Variants in PLXNA4 observed in about 807,000 individuals in gnomAD.
PLXNA4 encodes plexin-A4.
PLXNA4 carries 44 observed loss-of-function variants against 191.8 expected under a neutral mutation model. That is an observed-to-expected ratio of 0.23 (90% CI 0.18 to 0.29). The LOEUF is 0.29. PLXNA4 is among the 10% of genes least tolerant of loss of function. PLXNA4 has a pLI of 1.00. For missense variants in PLXNA4, 1,800 were observed against 2,488.8 expected, an observed-to-expected ratio of 0.72 and a Z score of 5.89; for synonymous variants, 1,082 against 1,009.5, an observed-to-expected ratio of 1.07 and a Z score of -1.36.
At chr7:132,371,355 A>G (rs1227962350) in intron 3 of PLXNA4, among the ~76,000 whole-genome samples, 1 of 152,188 alleles carries the variant, frequency 6.6e-6, no homozygotes, top group Non-Finnish European at 1.5e-5. Context: ...CCTCAAAGAA[A>G]GTGGCCCACC....
chr7:132,320,634 T>C (rs1237798702), intron 3 of PLXNA4, among the ~76,000 whole-genome samples: 1 of 151,962 alleles, frequency 6.6e-6, no homozygotes, highest in Non-Finnish European at 1.5e-5. Context: ...TCCGTGCTTC[T>C]CCAAGCACTG....
chr7:132,199,888 T>G (rs1449700737), intron 12 of PLXNA4, among the ~76,000 whole-genome samples: 1 of 152,164 alleles, frequency 6.6e-6, no homozygotes, highest in Non-Finnish European at 1.5e-5. Context: ...TGCAGGGGTG[T>G]GAGCCTGTGC....
intron 2 of PLXNA4, among the ~76,000 whole-genome samples, chr7:132,644,206 G>T (rs933575124): frequency 1.3e-5 from 2 of 152,144 alleles, no homozygotes; most frequent in Non-Finnish European, 2.9e-5. Context: ...CCTGGCAGGT[G>T]ACTTAACCTC....
At chr7:132,225,813 T>C (rs1398776365) in intron 8 of PLXNA4, among the ~76,000 whole-genome samples, 1 of 152,206 alleles carries the variant, frequency 6.6e-6, no homozygotes, top group Non-Finnish European at 1.5e-5. Context: ...TCATGTGGGA[T>C]GCACCACCCC....
intron 2 of PLXNA4, among the ~76,000 whole-genome samples, chr7:132,596,094 ACT>A (rs1362739312): frequency 6.6e-6 from 1 of 151,874 alleles, no homozygotes; most frequent in African/African-American, 2.4e-5. Context: ...GTGTCTGTTG[ACT>A]CTCTTTTAAT....
At chr7:132,441,498 A>G (rs1307627609) in intron 3 of PLXNA4, among the ~76,000 whole-genome samples, 6 of 152,156 alleles carry the variant, frequency 3.9e-5, no homozygotes, top group Non-Finnish European at 5.9e-5. Context: ...ACCCCCACTG[A>G]TGTTCCCTAG....
chr7:132,225,624 C>CCA (rs1554395285), intron 8 of PLXNA4, among the ~76,000 whole-genome samples: 3 of 151,476 alleles, frequency 2.0e-5, no homozygotes, highest in Admixed American at 2.0e-4. Context: ...CCGCCCCCCC[C>CCA]CACAGCTTTC....
At chr7:132,275,719 C>A (rs369696635) in intron 4 of PLXNA4, among the ~76,000 whole-genome samples, 1 of 152,146 alleles carries the variant, frequency 6.6e-6, no homozygotes, top group Non-Finnish European at 1.5e-5. Flanking sequence ...GGAAATGAGT[C>A]GCCAGCACCT....
At chr7:132,574,577 C>T (rs930922452) in intron 1 of PLXNA4, among the ~76,000 whole-genome samples, 8 of 152,218 alleles carry the variant, frequency 5.3e-5, no homozygotes, top group Admixed American at 2.0e-4. Flanking sequence ...TGTGTGCACA[C>T]GCCCACCATT....
intron 2 of PLXNA4, among the ~76,000 whole-genome samples, chr7:132,489,700 C>A (rs1352531256): frequency 1.3e-5 from 2 of 152,118 alleles, no homozygotes; most frequent in African/African-American, 4.8e-5. Context: ...GTCCGCAGGT[C>A]TCCTTTCTCC....
chr7:132,260,817 C>T (rs1562997472), intron 4 of PLXNA4, among the ~76,000 whole-genome samples: 1 of 152,058 alleles, frequency 6.6e-6, no homozygotes, highest in African/African-American at 2.4e-5. Flanking sequence ...CCTGTCATTA[C>T]ACATTTGTCC....
intron 8 of PLXNA4, among the ~76,000 whole-genome samples, chr7:132,224,755 G>A (rs1332607650): frequency 6.6e-6 from 1 of 152,162 alleles, no homozygotes; most frequent in Non-Finnish European, 1.5e-5. Flanking sequence ...CCCAGGGCTA[G>A]AGTAACTCAT....
At chr7:132,239,744 A>G (rs1430450199) in intron 5 of PLXNA4, among the ~76,000 whole-genome samples, 1 of 152,320 alleles carries the variant, frequency 6.6e-6, no homozygotes, top group East Asian at 1.9e-4. Context: ...CTCTGTTAGC[A>G]TGCAACCTTT....
intron 3 of PLXNA4, among the ~76,000 whole-genome samples, chr7:132,426,123 A>G (rs1795032771): frequency 1.3e-5 from 2 of 152,276 alleles, no homozygotes; most frequent in East Asian, 3.9e-4. Context: ...GGCCTCTCCC[A>G]GGGGGAGATC....
intron 20 of PLXNA4, among the ~76,000 whole-genome samples, chr7:132,177,076 T>A (rs1796497668): frequency 6.6e-6 from 1 of 152,080 alleles, no homozygotes; most frequent in South Asian, 2.1e-4. Context: ...CATGAGCGTG[T>A]GAGCACATGA....
chr7:132,457,844 G>A (rs1585163503), intron 3 of PLXNA4, among the ~76,000 whole-genome samples: 2 of 152,242 alleles, frequency 1.3e-5, no homozygotes, highest in East Asian at 3.8e-4. Flanking sequence ...AAGGAGCCAT[G>A]AGCCAAGGAA....
At chr7:132,223,793 C>T (rs755543392) in intron 8 of PLXNA4, 152 bp from the exon 9 acceptor site, 1 of 621,690 alleles carries the variant, frequency 1.6e-6, no homozygotes, top group Non-Finnish European at 2.9e-6. Context: ...ACATCTATCC[C>T]TTTACTCCCC....
chr7:132,528,944 G>A (rs770305716), intron 1 of PLXNA4, among the ~76,000 whole-genome samples: 18 of 152,340 alleles, frequency 1.2e-4, no homozygotes, highest in Non-Finnish European at 2.2e-4. Context: ...AGCTGTGCTC[G>A]CTGATGATAC....
intron 12 of PLXNA4, among the ~76,000 whole-genome samples, chr7:132,201,748 G>A (rs1167682575): frequency 1.3e-5 from 2 of 152,210 alleles, no homozygotes; most frequent in Admixed American, 6.5e-5. Flanking sequence ...AGGGACTCCA[G>A]CCTTGCTGGA....
Sources: allele counts gnomAD v4.1 joint callset (sites outside exome capture counted in the v4.1 genomes callset), GRCh38; gene constraint gnomAD v4.1.1; transcripts MANE v1.5; gene names NCBI Gene and HGNC (gene_info 2026-07-23, HGNC 2026-07-21).